The following TBCEL variants were observed in gnomAD, a reference collection of about 807,000 sequenced individuals.
TBCEL encodes the protein tubulin-specific chaperone cofactor E-like protein.
A neutral mutation model predicts 44.2 loss-of-function variants in TBCEL; 15 were observed. The ratio of observed to expected loss-of-function variants is 0.34; its 90% CI spans 0.23 to 0.52. The LOEUF (loss-of-function observed/expected upper bound fraction) is 0.52, where lower values mean the gene tolerates loss of function less well. TBCEL is among the 20% of genes least tolerant of loss of function. The probability of loss-of-function intolerance (pLI) is 0.95; values close to 1 mark genes in which losing one functional copy is unlikely to be tolerated. For synonymous variants in TBCEL, 171 were observed against 185.4 expected (o/e 0.92, Z 0.63); for missense variants, 319 against 506.3 (o/e 0.63, Z 3.55).
intron 6 of TBCEL, among the ~76,000 whole-genome samples, chr11:121,056,692 G>A (rs1945627066): frequency 6.6e-6 from 1 of 151,534 alleles, no homozygotes; most frequent in South Asian, 2.1e-4. Context: ...GGTATATTGG[G>A]GTATCTTGTT....
chr11:121,036,705 C>A (rs1945237227), intron 2 of TBCEL, 93 bp downstream of exon 2: 1 of 152,058 alleles, frequency 6.6e-6, no homozygotes, highest in Non-Finnish European at 1.5e-5. Flanking sequence ...GTATTTGGAT[C>A]AGAAATTTCA....
At chr11:121,082,417 T>G (rs930202009) in intron 8 of TBCEL, among the ~76,000 whole-genome samples, 9 of 152,216 alleles carry the variant, frequency 5.9e-5, no homozygotes, top group Admixed American at 2.0e-4. Context: ...TCTCTCTGAC[T>G]TCCTCTTTTG....
rs1456868021 is a variant in TBCEL, at chr11:121,087,617, G to A, written c.*521G>A. On this transcript the variant is annotated 3_prime_UTR_variant, in exon 9 of 9. Transcript: ENST00000683345. ...ATTTTGACATGTGGTTTACCTAATA[G>A]TTTTGTTCTGTTCATAATTCTTATT... is the stretch of plus-strand genomic sequence containing the variant. The A allele has an allele frequency of 3.3e-5, 5 of 152,986 alleles. No individual in the cohort carries two copies. The South Asian group carries it at 8.3e-4, about 25-fold the overall frequency. 9.5% of individuals were successfully genotyped at this position (152,986 alleles called of 1,614,324 possible).
chr11:121,045,953 T>A, intron 3 of TBCEL, 130 bp downstream of exon 3: 1 of 1,100,170 alleles, frequency 9.1e-7, no homozygotes, highest in Non-Finnish European at 1.2e-6. Flanking sequence ...CCCCTTGTTA[T>A]GATTTCAGTT....
At chr11:121,059,099 A>G (rs1279101669) in intron 7 of TBCEL, among the ~76,000 whole-genome samples, 1 of 151,864 alleles carries the variant, frequency 6.6e-6, no homozygotes. Flanking sequence ...CTCTTTGTAT[A>G]CTATACATAG....
intron 2 of TBCEL, among the ~76,000 whole-genome samples, chr11:121,041,694 A>G (rs1212212231): frequency 6.6e-6 from 1 of 151,794 alleles, no homozygotes; most frequent in Non-Finnish European, 1.5e-5. Context: ...TCATTTTTCA[A>G]TCTGTTAGGT....
chr11:121,080,947 C>T (rs891908061), intron 8 of TBCEL, among the ~76,000 whole-genome samples: 1 of 152,204 alleles, frequency 6.6e-6, no homozygotes, highest in African/African-American at 2.4e-5. Flanking sequence ...CTTATTTGCA[C>T]TGGGAGTAGA....
intron 2 of TBCEL, 34 bp from the exon 3 acceptor site, chr11:121,045,632 ATACATAAT>A: frequency 6.8e-7 from 1 of 1,477,444 alleles, no homozygotes; most frequent in South Asian, 1.4e-5. Flanking sequence ...ATGTGAGTAA[ATACATAAT>A]TACATAATTT....
chr11:121,025,188 G>A (rs541573561), intron 1 of TBCEL, among the ~76,000 whole-genome samples: 8 of 152,336 alleles, frequency 5.3e-5, no homozygotes, highest in Non-Finnish European at 1.2e-4. Flanking sequence ...GCAACGCCTA[G>A]GGCTGTTGAG....
intron 4 of TBCEL, among the ~76,000 whole-genome samples, chr11:121,050,533 A>ATT (rs201762650): frequency 6.7e-6 from 1 of 150,360 alleles, no homozygotes; most frequent in Middle Eastern, 3.4e-3. Context: ...AAAATAATGC[A>ATT]TTTTTTTTTA....
intron 4 of TBCEL, among the ~76,000 whole-genome samples, chr11:121,049,323 C>G (rs34530993): frequency 6.6e-6 from 1 of 151,728 alleles, no homozygotes; most frequent in Non-Finnish European, 1.5e-5. Context: ...TATACAAATC[C>G]TAAGACAGAT....
chr11:121,066,540 A>G (rs1035352156), intron 8 of TBCEL, among the ~76,000 whole-genome samples: 1 of 152,218 alleles, frequency 6.6e-6, no homozygotes. Context: ...TGTTGATACA[A>G]GTCCCCTGTG....
At chr11:121,084,877 G>T (rs943807235) in intron 8 of TBCEL, among the ~76,000 whole-genome samples, 1 of 152,066 alleles carries the variant, frequency 6.6e-6, no homozygotes. Context: ...TACCTTTTCA[G>T]TTTAGAGCCT....
rs1357933818 is a variant in TBCEL at position 121,089,199 on chromosome 11, A to G, written c.*2103A>G. 1 of 152,202 alleles carries G rather than the reference A, an allele frequency of 6.6e-6. No individual in the cohort carries two copies. The highest frequency in any genetic ancestry group is 1.9e-4 in the East Asian group (1 of 5,204). The allele number at this position is 152,202 out of a possible 1,614,324, so 9.4% of individuals were successfully genotyped here. On this transcript the variant is annotated 3_prime_UTR_variant, in exon 9 of 9. Transcript: ENST00000683345. ...GGACTGTCCCACAGCAGAAGGCAGA[A>G]CAAACACTTATGTTATGCTTTAATC... is the stretch of plus-strand genomic sequence containing the variant.
rs561196677 is a variant in TBCEL, at chr11:121,090,364, G to T, written c.*3268G>T. The T allele has an allele frequency of 6.6e-6, 1 of 152,234 alleles. No individual in the cohort carries two copies. Among genetic ancestry groups the T allele is most frequent in the African/African-American group, 2.4e-5 (1 of 41,542 alleles). The allele number at this position is 152,234 out of a possible 1,614,324, so 9.4% of individuals were successfully genotyped here. A position where few individuals can be genotyped will look rare whatever the true frequency, so the allele number is the denominator to read the frequency against. ...TGAGTGTAGCTTGCTACATGAAAAT[G>T]CTAGGCTCTAGGGCATGTAAAACAT... On this transcript the variant is annotated 3_prime_UTR_variant, in exon 9 of 9. Transcript: ENST00000683345.
At position 121,055,070 on chromosome 11, in the gene TBCEL, G is replaced by T. The variant is rs1945596426; in HGVS notation, c.474G>T (p.Leu158=). Residue 158 remains leucine (L), a synonymous_variant, in exon 6 of 9, where the codon CTG becomes CTT. Transcript: ENST00000683345. The part of the protein sequence containing the change: ...QELPDLEELF[L]CLNDYETVSC... ...TCTGCAGTTTGGAGGAGCTCTTCCT[G>T]TGCCTTAATGACTATGAAACAGTGT... 1.3e-6 allele frequency: 2 copies of T among 1,521,442 alleles called. No homozygotes were observed. The highest frequency in any genetic ancestry group is 1.4e-5 in the South Asian group (1 of 73,568). The allele number at this position is 1,521,442 out of a possible 1,614,324, so 94.2% of individuals were successfully genotyped here. A position where few individuals can be genotyped will look rare whatever the true frequency, so the allele number is the denominator to read the frequency against.
chr11:121,061,121 A>G (rs1264631051), intron 8 of TBCEL, among the ~76,000 whole-genome samples: 1 of 152,064 alleles, frequency 6.6e-6, no homozygotes, highest in Non-Finnish European at 1.5e-5. Flanking sequence ...ATAACTTTTA[A>G]AAACAATCTG....
intron 1 of TBCEL, among the ~76,000 whole-genome samples, chr11:121,031,662 C>CTTTTTTT (rs1159376351): frequency 4.9e-5 from 5 of 101,876 alleles, no homozygotes; most frequent in Non-Finnish European, 8.0e-5. Flanking sequence ...TTTTTTCTTT[C>CTTTTTTT]TTTTTTTTTT....
At chr11:121,060,263 T>C (rs1229708365) in intron 8 of TBCEL, among the ~76,000 whole-genome samples, 178 bp downstream of exon 8, 2 of 151,992 alleles carry the variant, frequency 1.3e-5, no homozygotes, top group African/African-American at 4.8e-5. Flanking sequence ...TTCCACAGTA[T>C]ATTTCTTTCA....
Sources: allele counts gnomAD v4.1 joint callset (sites outside exome capture counted in the v4.1 genomes callset), GRCh38; gene constraint gnomAD v4.1.1; transcripts MANE v1.5; gene names NCBI Gene and HGNC (gene_info 2026-07-23, HGNC 2026-07-21).